The following ZNF300 variants were observed in gnomAD, a reference collection of about 807,000 sequenced individuals.
ZNF300 encodes kruppel-like zinc finger protein.
Under a neutral mutation model 13.9 loss-of-function variants are expected in ZNF300, and 6 were observed. The observed-to-expected ratio is 0.43, with a 90% CI of 0.24 to 0.85. The LOEUF is 0.85. Among genes scored for constraint, ZNF300 ranks in the 40% least tolerant of loss-of-function variants. The pLI is 0.25. For synonymous variants in ZNF300, 237 were observed against 242.2 expected, an observed-to-expected ratio of 0.98 and a Z score of 0.20; for missense variants, 662 against 714.2, an observed-to-expected ratio of 0.93 and a Z score of 0.83.
At chr5:150,899,513 T>C (rs1225893197) in intron 3 of ZNF300, among the ~76,000 whole-genome samples, 1 of 152,060 alleles carries the variant, frequency 6.6e-6, no homozygotes, top group Non-Finnish European at 1.5e-5. Flanking sequence ...AAAATGATCT[T>C]AGCTTCCCCC....
At chr5:150,899,108 G>T (rs1754904273) in intron 3 of ZNF300, among the ~76,000 whole-genome samples, 2 of 151,996 alleles carry the variant, frequency 1.3e-5, no homozygotes, top group South Asian at 4.1e-4. Context: ...TTATAAAGAA[G>T]CCAAGGAGAG....
At chr5:150,903,003 T>C (rs1755037472) in intron 3 of ZNF300, 138 bp downstream of exon 3, 1 of 866,228 alleles carries the variant, frequency 1.2e-6, no homozygotes, top group Non-Finnish European at 1.8e-6. Flanking sequence ...TTTTACATAT[T>C]ACCTAGAAAC....
At chr5:150,897,198 A>G in intron 5 of ZNF300, 1 of 408,578 alleles carries the variant, frequency 2.4e-6, no homozygotes, top group Non-Finnish European at 4.3e-6. Context: ...AAGAGATGAA[A>G]AAGTGGGGTC....
chr5:150,897,111 T>C, intron 5 of ZNF300, 138 bp from the exon 6 acceptor site: 1 of 631,736 alleles, frequency 1.6e-6, no homozygotes. Context: ...CAGAAGACAG[T>C]ACAGCATATA....
At chr5:150,901,535 CAAT>C (rs1478372151) in intron 3 of ZNF300, among the ~76,000 whole-genome samples, 1 of 151,958 alleles carries the variant, frequency 6.6e-6, no homozygotes, top group Non-Finnish European at 1.5e-5. Flanking sequence ...ACAAAAACAA[CAAT>C]GAAAAAATCT....
intron 2 of ZNF300, chr5:150,903,506 A>C: frequency 1.3e-6 from 1 of 762,578 alleles, no homozygotes; most frequent in Non-Finnish European, 2.2e-6. Flanking sequence ...CTATTTATAG[A>C]AGATTTTCAT....
At chr5:150,897,869 T>C in intron 5 of ZNF300, 193 bp downstream of exon 5, 1 of 527,254 alleles carries the variant, frequency 1.9e-6, no homozygotes, top group Non-Finnish European at 3.0e-6. Flanking sequence ...ACAACAAATA[T>C]AAACATATAT....
At position 150,898,456 on chromosome 5, in the gene ZNF300, C is replaced by T; in HGVS notation, c.114G>A (p.Leu38=). 6.2e-7 allele frequency: 1 copy of T among 1,613,438 alleles called. No individual in the cohort carries two copies. The highest frequency in any genetic ancestry group is 8.5e-7 in the Non-Finnish European group (1 of 1,179,578). The change falls in exon 4 of 6, where the codon CTG becomes CTA. Residue 38 remains leucine (L), a synonymous_variant. Transcript: ENST00000274599. Reference sequence around the variant, plus strand: ...TTGAGACCAGGTGGCTGTAGTTCTCCAGCATCACATCCCTGTACAGGGTCC... The same window carrying T: ...TTGAGACCAGGTGGCTGTAGTTCTCTAGCATCACATCCCTGTACAGGGTCC... ...SQRTLYRDVM[L]ENYSHLVSMG... is the part of the protein sequence containing the mutation.
At position 150,903,418 on chromosome 5, in the gene ZNF300, T is replaced by A. The variant is rs535984295; in HGVS notation, c.-27-236A>T. ...GATCACATAGAAGTTGACCAAGGTT[T>A]TATAATTGGATAGATGTGAAGATAT... On this transcript the variant is annotated intron_variant, in intron 2 of 5. Transcript: ENST00000274599. The A allele has an allele frequency of 2.6e-5, 38 of 1,455,288 alleles. No homozygotes were observed. The East Asian group carries it at 3.0e-4, about 11-fold the overall frequency. The allele number at this position is 1,455,288 out of a possible 1,614,324, so 90.1% of individuals were successfully genotyped here. A position where few individuals can be genotyped will look rare whatever the true frequency, so the allele number is the denominator to read the frequency against.
chr5:150,898,648 T>C, intron 3 of ZNF300, 94 bp from the exon 4 acceptor site: 2 of 1,381,676 alleles, frequency 1.4e-6, no homozygotes, highest in Non-Finnish European at 1.9e-6. Flanking sequence ...TTTTGTATAA[T>C]AGTTTTTGGG....
At chr5:150,897,987 A>G in intron 5 of ZNF300, 75 bp downstream of exon 5, 1 of 1,520,516 alleles carries the variant, frequency 6.6e-7, no homozygotes, top group Non-Finnish European at 8.8e-7. Context: ...AAAGAATAGG[A>G]GATTTTGATA....
chr5:150,903,593 A>T (rs539007621), intron 2 of ZNF300, among the ~76,000 whole-genome samples: 2 of 152,366 alleles, frequency 1.3e-5, no homozygotes, highest in South Asian at 4.1e-4. Context: ...GGGAATGACC[A>T]AATGGAAAAC....
At chr5:150,897,023 G>C in intron 5 of ZNF300, 50 bp from the exon 6 acceptor site, 1 of 1,432,934 alleles carries the variant, frequency 7.0e-7, no homozygotes, top group Non-Finnish European at 9.4e-7. Context: ...AGTCAATTAA[G>C]AGGGTAAAGA....
At chr5:150,898,932 A>T (rs1011642572) in intron 3 of ZNF300, among the ~76,000 whole-genome samples, 2 of 152,036 alleles carry the variant, frequency 1.3e-5, no homozygotes, top group Non-Finnish European at 2.9e-5. Flanking sequence ...AGTACCTCAA[A>T]ATGTGATATG....
At position 150,895,385 on chromosome 5, in the gene ZNF300, G is replaced by C. The variant is rs752961153; in HGVS notation, c.*39C>G. The C allele has an allele frequency of 6.2e-6, 9 of 1,443,098 alleles. No individual in the cohort carries two copies. Among genetic ancestry groups the C allele is most frequent in the Admixed American group, 2.2e-5 (1 of 45,954 alleles). 89.4% of individuals were successfully genotyped at this position (1,443,098 alleles called of 1,614,324 possible). On this transcript the variant is annotated 3_prime_UTR_variant, in exon 6 of 6. Transcript: ENST00000274599. Reference sequence around the variant, plus strand: ...TAATTGGGTTTCTAGTAATTATTAAGGCTTGAGCTAATACTAAGGCTTTTC... The same window carrying C: ...TAATTGGGTTTCTAGTAATTATTAACGCTTGAGCTAATACTAAGGCTTTTC...
At chr5:150,898,346 C>G in intron 4 of ZNF300, 82 bp downstream of exon 4, 1 of 1,609,346 alleles carries the variant, frequency 6.2e-7, no homozygotes, top group Non-Finnish European at 8.5e-7. Context: ...TGACATATGT[C>G]AGGAACAATC....
Position 150,896,507 on chromosome 5 carries a change from A to T in ZNF300, c.732T>A (p.Asn244Lys). 1.2e-6 allele frequency: 2 copies of T among 1,613,570 alleles called. No individual in the cohort carries two copies. Among genetic ancestry groups the T allele is most frequent in the Non-Finnish European group, 1.7e-6 (2 of 1,179,804 alleles). Residue 244 changes from asparagine (N) to lysine (K), a missense_variant, in exon 6 of 6, where the codon AAT (asparagine) becomes AAA (lysine). Physicochemically the swap from Asn to Lys is moderately conservative, Grantham distance 94. Transcript: ENST00000274599. ...IHNGVIPFDD[N>K]QCGNVFRNTQ... is the part of the protein sequence containing the mutation. ...TATTTCTAAAAACGTTTCCACACTGATTATCATCAAAAGGTATTACTCCAT... is the reference window on the plus strand; with the variant it reads ...TATTTCTAAAAACGTTTCCACACTGTTTATCATCAAAAGGTATTACTCCAT...
At position 150,898,111 on chromosome 5, in the gene ZNF300, G is replaced by C; in HGVS notation, c.216C>G (p.Asp72Glu). ...CATCTGGATAGATCCAATTTGATAT[G>C]TCTCCCTTTATGATCCATGGCTCTT... ...QGEEPWIIKGDISNWIYPDEY... is the reference protein window; with the variant it reads ...QGEEPWIIKGEISNWIYPDEY... Residue 72 changes from aspartate (D) to glutamate (E), a missense_variant, in exon 5 of 6, where the codon GAC becomes GAG. Transcript: ENST00000274599. 6.2e-7 allele frequency: 1 copy of C among 1,613,608 alleles called. No individual in the cohort carries two copies. Among genetic ancestry groups the C allele is most frequent in the Non-Finnish European group, 8.5e-7 (1 of 1,179,726 alleles).
At position 150,896,905 on chromosome 5, in the gene ZNF300, G is replaced by T. The variant is rs577025150; in HGVS notation, c.334C>A (p.Leu112Met). The change falls in exon 6 of 6, where the codon CTG becomes ATG. Residue 112 changes from leucine (L) to methionine (M), a missense_variant. Coordinates refer to ENST00000274599, the MANE Select transcript of ZNF300 (RefSeq NM_052860.4). ...LGTVSFHHKI[L>M]KGVTRDGSLC... ...GAACCATCCCTTGTGACTCCTTTCA[G>T]TATCTTATGATGGAAGGAAACTGTC... The T allele has an allele frequency of 2.3e-4, 378 of 1,613,446 alleles. 4 individuals are homozygous for T. The South Asian group carries it at 3.7e-3, about 16-fold the overall frequency.
Sources: allele counts gnomAD v4.1 joint callset (sites outside exome capture counted in the v4.1 genomes callset), GRCh38; gene constraint gnomAD v4.1.1; transcripts MANE v1.5; gene names NCBI Gene and HGNC (gene_info 2026-07-23, HGNC 2026-07-21).